Variants in SCAPER observed in about 807,000 individuals in gnomAD.
The protein encoded by SCAPER is S phase cyclin A-associated protein in the endoplasmic reticulum.
SCAPER carries 98 observed loss-of-function variants against 182.2 expected under a neutral mutation model. The observed-to-expected ratio is 0.54, with a 90% CI of 0.46 to 0.64. The LOEUF (loss-of-function observed/expected upper bound fraction) is 0.64, where lower values mean the gene tolerates loss of function less well. SCAPER is among the 30% of genes least tolerant of loss of function. The probability of loss-of-function intolerance (pLI) is 0.00; values close to 1 mark genes in which losing one functional copy is unlikely to be tolerated. For missense variants in SCAPER, 1,432 were observed against 1,690.0 expected, an observed-to-expected ratio of 0.85 and a Z score of 2.68; for synonymous variants, 605 against 564.6, an observed-to-expected ratio of 1.07 and a Z score of -1.01.
chr15:76,589,861 C>T (rs1450064609), intron 22 of SCAPER, among the ~76,000 whole-genome samples: 2 of 152,142 alleles, frequency 1.3e-5, no homozygotes, highest in African/African-American at 2.4e-5. Flanking sequence ...GGGTTTCTGC[C>T]GTGGCCTCCT....
Position 76,857,792 on chromosome 15 carries a change from A to G in SCAPER, c.195+17T>C. 6.9e-7 allele frequency: 1 copy of G among 1,451,236 alleles called. No individual in the cohort carries two copies. Among genetic ancestry groups the G allele is most frequent in the Non-Finnish European group, 9.2e-7 (1 of 1,084,716 alleles). The allele number at this position is 1,451,236 out of a possible 1,614,324, so 89.9% of individuals were successfully genotyped here. On this transcript the variant is annotated intron_variant, in intron 4 of 31. Coordinates refer to ENST00000563290, the MANE Select transcript of SCAPER (RefSeq NM_020843.4). Reference sequence around the variant, plus strand: ...GAAATTAAAAGTAAATAAGTAAAAAAGTTATAGATGCTGTACCTGTTTAGT... The same window carrying G: ...GAAATTAAAAGTAAATAAGTAAAAAGGTTATAGATGCTGTACCTGTTTAGT...
At chr15:76,610,632 T>C (rs191523882) in intron 22 of SCAPER, among the ~76,000 whole-genome samples, 3 of 152,190 alleles carry the variant, frequency 2.0e-5, no homozygotes, top group Admixed American at 6.5e-5. Flanking sequence ...TTTCTATGTA[T>C]AAACAACAAA....
chr15:76,827,757 C>T (rs2068129956), intron 5 of SCAPER, among the ~76,000 whole-genome samples: 1 of 151,982 alleles, frequency 6.6e-6, no homozygotes, highest in Non-Finnish European at 1.5e-5. Flanking sequence ...GTGGTTCCAT[C>T]AACAAAAATA....
At chr15:76,896,537 T>C (rs916586410) in intron 1 of SCAPER, among the ~76,000 whole-genome samples, 109 of 152,198 alleles carry the variant, frequency 7.2e-4, no homozygotes, top group Non-Finnish European at 3.4e-4. Context: ...ATTGTTAAAA[T>C]ACCCATACTA....
intron 21 of SCAPER, among the ~76,000 whole-genome samples, chr15:76,655,350 A>C (rs2055538675): frequency 1.3e-5 from 2 of 151,480 alleles, no homozygotes; most frequent in South Asian, 4.2e-4. Flanking sequence ...AACATAAAGA[A>C]AAAAGAAGAA....
intron 23 of SCAPER, among the ~76,000 whole-genome samples, chr15:76,553,977 G>C (rs933894604): frequency 6.6e-6 from 1 of 152,048 alleles, no homozygotes; most frequent in Admixed American, 6.6e-5. Context: ...TTTTGACCAG[G>C]CTCAAACGGC....
intron 29 of SCAPER, among the ~76,000 whole-genome samples, chr15:76,362,076 G>A (rs137906662): frequency 4.2e-4 from 63 of 151,744 alleles, no homozygotes; most frequent in African/African-American, 1.4e-3. Context: ...GGGTTCAAGC[G>A]ATTCTCCTGC....
At chr15:76,559,371 T>G (rs1014479398) in intron 23 of SCAPER, among the ~76,000 whole-genome samples, 1 of 151,956 alleles carries the variant, frequency 6.6e-6, no homozygotes. Flanking sequence ...CTGATGGTTT[T>G]ATAAGGGGCT....
chr15:76,532,945 A>T (rs1450868604), intron 23 of SCAPER, among the ~76,000 whole-genome samples: 3 of 152,230 alleles, frequency 2.0e-5, no homozygotes, highest in Admixed American at 2.0e-4. Flanking sequence ...TAGCCCTACT[A>T]TATGCAGAAC....
intron 3 of SCAPER, among the ~76,000 whole-genome samples, chr15:76,860,483 C>T (rs1049156123): frequency 6.6e-6 from 1 of 152,088 alleles, no homozygotes; most frequent in Non-Finnish European, 1.5e-5. Flanking sequence ...TCCAAGCAGG[C>T]ATTTAAAAAT....
chr15:76,378,305 T>C (rs2042705772), intron 28 of SCAPER, among the ~76,000 whole-genome samples: 1 of 152,254 alleles, frequency 6.6e-6, no homozygotes, highest in Non-Finnish European at 1.5e-5. Context: ...AATTCATAAA[T>C]TGTCTCTCAG....
intron 22 of SCAPER, among the ~76,000 whole-genome samples, chr15:76,587,138 G>A (rs1237859388): frequency 6.6e-6 from 1 of 151,984 alleles, no homozygotes; most frequent in Non-Finnish European, 1.5e-5. Context: ...GTATTTCTGT[G>A]GTGTCAGTTG....
intron 20 of SCAPER, among the ~76,000 whole-genome samples, chr15:76,666,008 A>G (rs1028513195): frequency 6.6e-6 from 1 of 152,188 alleles, no homozygotes; most frequent in African/African-American, 2.4e-5. Context: ...AATTGTGCCA[A>G]TGCTAAGGCT....
At chr15:76,711,314 T>C (rs1028097621) in intron 17 of SCAPER, among the ~76,000 whole-genome samples, 2 of 152,094 alleles carry the variant, frequency 1.3e-5, no homozygotes, top group African/African-American at 4.8e-5. Flanking sequence ...CCAGAACATA[T>C]AAAGAATTCT....
chr15:76,490,591 T>C (rs928247114), intron 24 of SCAPER, among the ~76,000 whole-genome samples: 4 of 152,212 alleles, frequency 2.6e-5, no homozygotes, highest in Non-Finnish European at 5.9e-5. Context: ...ATTCTGTAGA[T>C]TGCCTTTTCA....
chr15:76,385,565 T>C (rs141483772), intron 27 of SCAPER, among the ~76,000 whole-genome samples: 22 of 152,314 alleles, frequency 1.4e-4, no homozygotes, highest in African/African-American at 4.6e-4. Context: ...CCCCCAATGA[T>C]GGATGAGAAT....
intron 23 of SCAPER, among the ~76,000 whole-genome samples, chr15:76,568,212 T>C (rs867396471): frequency 1.1e-4 from 15 of 139,680 alleles, no homozygotes; most frequent in African/African-American, 3.8e-4. Flanking sequence ...TATATATATA[T>C]ATATATATAT....
chr15:76,649,217 G>A (rs142177036), intron 21 of SCAPER, among the ~76,000 whole-genome samples: 54 of 152,204 alleles, frequency 3.5e-4, no homozygotes, highest in African/African-American at 1.3e-3. Context: ...AACAAGCCTC[G>A]AGTATTTACC....
chr15:76,805,555 CTTTTTTT>C (rs59845788), intron 5 of SCAPER, among the ~76,000 whole-genome samples: 69 of 85,870 alleles, frequency 8.0e-4, no homozygotes, highest in Middle Eastern at 6.0e-3. Flanking sequence ...ATTTGTTTAC[CTTTTTTT>C]TTTTTTTTTT....
Sources: allele counts gnomAD v4.1 joint callset (sites outside exome capture counted in the v4.1 genomes callset), GRCh38; gene constraint gnomAD v4.1.1; transcripts MANE v1.5; gene names NCBI Gene and HGNC (gene_info 2026-07-23, HGNC 2026-07-21).